Variants in PFKFB3 observed in about 807,000 individuals in gnomAD.
PFKFB3 encodes 6-phosphofructo-2-kinase/fructose-2,6-bisphosphatase 3.
PFKFB3 carries 33 observed loss-of-function variants against 68.0 expected under a neutral mutation model. The ratio of observed to expected loss-of-function variants is 0.49; its 90% CI spans 0.37 to 0.65. The LOEUF is 0.65. Among genes scored for constraint, PFKFB3 ranks in the 30% least tolerant of loss-of-function variants. The probability of loss-of-function intolerance (pLI) is 0.00; values close to 1 mark genes in which losing one functional copy is unlikely to be tolerated. For synonymous variants in PFKFB3, 315 were observed against 288.2 expected (o/e 1.09, Z -0.94); for missense variants, 586 against 712.2 (o/e 0.82, Z 2.02).
chr10:6,221,175 G>A (rs1267604807), intron 8 of PFKFB3, among the ~76,000 whole-genome samples: 3 of 152,128 alleles, frequency 2.0e-5, no homozygotes, highest in African/African-American at 4.8e-5. Context: ...ATGTGTGCGC[G>A]GTTGTGCACT....
rs985756892 is a variant in PFKFB3 at position 6,147,844 on chromosome 10, C to T, written c.16+2831C>T. On this transcript the variant is annotated intron_variant, in intron 1 of 14. Coordinates refer to the PFKFB3 transcript ENST00000379789. ...GGGTGGTCCATACAGGGGAGCCTGA[C>T]GGGGTGGTCCATACAGGGGAGTCTG... 6.6e-5 allele frequency among the ~76,000 whole-genome samples: 10 copies of T among 151,658 alleles called. No homozygotes were observed. The South Asian group carries it at 8.4e-4, about 13-fold the overall frequency.
downstream of PFKFB3, among the ~76,000 whole-genome samples, chr10:6,239,658 T>C (rs1846096655): frequency 6.6e-6 from 1 of 152,196 alleles, no homozygotes; most frequent in African/African-American, 2.4e-5. Context: ...TTCCTATTCC[T>C]GGAGAACATG....
At chr10:6,226,468 G>T in intron 14 of PFKFB3, 103 bp downstream of exon 14, 1 of 1,042,188 alleles carries the variant, frequency 9.6e-7, no homozygotes. Context: ...TACGTGCGTG[G>T]GTGCGTGTGG....
At chr10:6,305,612 C>T in the PFKFB3 span, among the ~76,000 whole-genome samples, 1 of 152,202 alleles carries the variant, frequency 6.6e-6, no homozygotes, top group East Asian at 1.9e-4. Flanking sequence ...GAAGTATTGG[C>T]AAGTGGGATT....
chr10:6,269,822 A>G, the PFKFB3 span, among the ~76,000 whole-genome samples: 1 of 152,298 alleles, frequency 6.6e-6, no homozygotes, highest in South Asian at 2.1e-4. Flanking sequence ...TATCTGACAC[A>G]GTTTTATCTA....
chr10:6,288,889 C>T, the PFKFB3 span, among the ~76,000 whole-genome samples: 51 of 151,952 alleles, frequency 3.4e-4, no homozygotes, highest in Admixed American at 2.6e-3. Context: ...TTTTAATGAT[C>T]ACCATTCTAA....
At chr10:6,236,969 G>A (rs531263602), downstream of PFKFB3, among the ~76,000 whole-genome samples, 10 of 152,294 alleles carry the variant, frequency 6.6e-5, no homozygotes, top group South Asian at 1.5e-3. Context: ...CACACCAGTC[G>A]TTTCCATTCG....
chr10:6,209,744 C>G (rs546480454), intron 1 of PFKFB3, among the ~76,000 whole-genome samples: 1 of 151,184 alleles, frequency 6.6e-6, no homozygotes. Flanking sequence ...GGAGACCATG[C>G]CCAGCCAATA....
intron 1 of PFKFB3, among the ~76,000 whole-genome samples, chr10:6,172,260 A>T (rs1178912883): frequency 6.6e-6 from 1 of 152,048 alleles, no homozygotes; most frequent in Non-Finnish European, 1.5e-5. Flanking sequence ...AGCCTGAGAG[A>T]AGCATGCTCC....
At chr10:6,296,584 C>G in the PFKFB3 span, among the ~76,000 whole-genome samples, 2 of 152,202 alleles carry the variant, frequency 1.3e-5, no homozygotes, top group Non-Finnish European at 2.9e-5. Context: ...GTGGATTATT[C>G]ATGAGTTTTC....
Position 6,233,623 on chromosome 10 carries a change from G to A in PFKFB3, c.*681G>A, listed in dbSNP as rs1437422547. 6.5e-6 allele frequency: 1 copy of A among 152,798 alleles called. No individual in the cohort carries two copies. The highest frequency in any genetic ancestry group is 1.5e-5 in the Non-Finnish European group (1 of 68,172). 9.5% of individuals were successfully genotyped at this position (152,798 alleles called of 1,614,324 possible). A position where few individuals can be genotyped will look rare whatever the true frequency, so the allele number is the denominator to read the frequency against. Reference sequence around the variant, plus strand: ...CAAGGGCAGGCTGGCTGCACGGGGAGAGGGAAGTATTTTGCCGAAATATGA... The same window carrying A: ...CAAGGGCAGGCTGGCTGCACGGGGAAAGGGAAGTATTTTGCCGAAATATGA... On this transcript the variant is annotated 3_prime_UTR_variant, in exon 15 of 15. Coordinates refer to ENST00000379775, the MANE Select transcript of PFKFB3 (RefSeq NM_004566.4).
At chr10:6,232,464 T>C (rs1588549608) in intron 14 of PFKFB3, among the ~76,000 whole-genome samples, 1 of 151,652 alleles carries the variant, frequency 6.6e-6, no homozygotes, top group African/African-American at 2.4e-5. Context: ...GAGCTGGGAG[T>C]GTGGCTCTGT....
chr10:6,151,658 C>A (rs1010956185), intron 1 of PFKFB3, among the ~76,000 whole-genome samples: 3 of 152,188 alleles, frequency 2.0e-5, no homozygotes, highest in African/African-American at 4.8e-5. Context: ...GCTTGTCCAG[C>A]CACAGCAGTG....
intron 1 of PFKFB3, among the ~76,000 whole-genome samples, chr10:6,170,530 C>T (rs1028675429): frequency 1.3e-5 from 2 of 152,204 alleles, no homozygotes; most frequent in African/African-American, 2.4e-5. Flanking sequence ...CCACATAGAC[C>T]TCCTTCCTAC....
intron 1 of PFKFB3, among the ~76,000 whole-genome samples, chr10:6,163,070 T>G (rs1431854741): frequency 6.6e-6 from 1 of 152,242 alleles, no homozygotes; most frequent in Non-Finnish European, 1.5e-5. Context: ...CTTTCTGTGT[T>G]TTCCCCAGGA....
At chr10:6,279,621 G>C in the PFKFB3 span, among the ~76,000 whole-genome samples, 58 of 152,222 alleles carry the variant, frequency 3.8e-4, 1 homozygote, top group African/African-American at 1.4e-3. Flanking sequence ...CCGTCTCTCC[G>C]GTGACCTCCT....
the PFKFB3 span, among the ~76,000 whole-genome samples, chr10:6,304,289 G>T: frequency 6.6e-6 from 1 of 152,102 alleles, no homozygotes; most frequent in East Asian, 1.9e-4. Flanking sequence ...AGGGCAGTTA[G>T]TCTGCCCTTT....
In PFKFB3 at chr10:6,150,923, T is replaced by TG. The variant is rs75110601; in HGVS notation, c.16+5917dup. Among the ~76,000 whole-genome samples, 74 of 152,052 alleles carry TG rather than the reference T, an allele frequency of 4.9e-4. 1 individual carries two copies. Among genetic ancestry groups the TG allele is most frequent in the Admixed American group, 4.4e-3 (67 of 15,270 alleles). ...CTGAGGCAGGAGAACCGCTTGAACC[T>TG]GGGGGGGCGGAGATTGCAGTGAGCC... On this transcript the variant is annotated intron_variant, in intron 1 of 14. Coordinates refer to the PFKFB3 transcript ENST00000379789.
downstream of PFKFB3, among the ~76,000 whole-genome samples, chr10:6,259,206 TCC>T (rs1228439908): frequency 3.8e-3 from 570 of 149,400 alleles, 3 homozygotes; most frequent in African/African-American, 0.013. Context: ...CATCCATCCA[TCC>T]ATCCATCCAT....
Sources: gnomAD v4.1 joint callset for allele counts (sites outside exome capture counted in the v4.1 genomes callset) on GRCh38, gnomAD v4.1.1 for gene constraint, MANE v1.5 for transcripts, NCBI Gene and HGNC (gene_info 2026-07-23, HGNC 2026-07-21) for gene names.